Variants in NPTXR observed in about 807,000 individuals in gnomAD.
The protein encoded by NPTXR is neuronal pentraxin receptor.
Under a neutral mutation model 32.2 loss-of-function variants are expected in NPTXR, and 12 were observed. The observed-to-expected ratio is 0.37, with a 90% CI of 0.24 to 0.60. The LOEUF (loss-of-function observed/expected upper bound fraction) is 0.60, where lower values mean the gene tolerates loss of function less well. Ranked by LOEUF, NPTXR falls within the 20% of genes least tolerant of loss-of-function variation. NPTXR has a pLI of 0.66. For synonymous variants in NPTXR, 323 were observed against 315.8 expected (o/e 1.02, Z -0.24); for missense variants, 612 against 682.9 (o/e 0.90, Z 1.16).
chr22:38,823,332 G>T (rs1216149479), intron 3 of NPTXR, 70 bp from the exon 4 acceptor site: 13 of 1,457,858 alleles, frequency 8.9e-6, no homozygotes, highest in Non-Finnish European at 1.2e-5. Context: ...GAGGCAGTGG[G>T]GTGGGGCTGG....
rs979113558 is a variant in NPTXR at position 38,834,232 on chromosome 22, G to A, written c.625-5720C>T. Among the ~76,000 whole-genome samples, 18 of 152,034 alleles carry A rather than the reference G, an allele frequency of 1.2e-4. No individual in the cohort carries two copies. The highest frequency in any genetic ancestry group is 2.7e-4 in the African/African-American group (11 of 41,464). ...CTTCCACTCCCACCCTCCACACAGC[G>A]GCCAGAGGCAAATCCAGCCATGTTG... On this transcript the variant is annotated intron_variant, in intron 1 of 4. Coordinates refer to ENST00000333039, the MANE Select transcript of NPTXR (RefSeq NM_014293.4). The surrounding 1 kb of genome is among the most constrained non-coding windows in gnomAD (Gnocchi z 4.4).
intron 1 of NPTXR, among the ~76,000 whole-genome samples, chr22:38,831,043 G>A (rs1272773363): frequency 6.6e-6 from 1 of 152,224 alleles, no homozygotes; most frequent in Non-Finnish European, 1.5e-5. Flanking sequence ...TTTCCCGAGG[G>A]CTCCTTCTGT....
chr22:38,829,088 G>C (rs59228373), intron 1 of NPTXR, among the ~76,000 whole-genome samples: 3 of 152,212 alleles, frequency 2.0e-5, no homozygotes, highest in African/African-American at 7.2e-5. Context: ...AGACAGCCCA[G>C]GGTTCAAAAC....
chr22:38,839,601 C>A (rs1032614249), intron 1 of NPTXR, among the ~76,000 whole-genome samples: 6 of 151,798 alleles, frequency 4.0e-5, no homozygotes, highest in African/African-American at 1.5e-4. Flanking sequence ...GCCAAGATTG[C>A]GCCACTGCAC....
At chr22:38,835,083 T>C (rs1305024925) in intron 1 of NPTXR, among the ~76,000 whole-genome samples, 2 of 152,160 alleles carry the variant, frequency 1.3e-5, no homozygotes, top group African/African-American at 4.8e-5. Flanking sequence ...TGGGATTCAA[T>C]TGTAAGGCCC....
rs1385165187 is a variant in NPTXR, at chr22:38,834,862, A to G, written c.625-6350T>C. Among the ~76,000 whole-genome samples the G allele has an allele frequency of 6.6e-6, 1 of 152,196 alleles. No individual in the cohort carries two copies. The highest frequency in any genetic ancestry group is 1.5e-5 in the Non-Finnish European group (1 of 68,026). ...GAAAGAACAGATATGAAGTGTGGTC[A>G]ACCATAAGAGGCAGTACGTGGTTGT... On this transcript the variant is annotated intron_variant, in intron 1 of 4. Coordinates refer to ENST00000333039, the MANE Select transcript of NPTXR (RefSeq NM_014293.4). This position sits in a 1 kb window ranked among gnomAD's most constrained non-coding sequence, Gnocchi z 4.4.
intron 1 of NPTXR, among the ~76,000 whole-genome samples, chr22:38,828,850 C>G (rs908652863): frequency 2.6e-5 from 4 of 152,230 alleles, no homozygotes; most frequent in East Asian, 1.9e-4. Flanking sequence ...AACGCCCCAC[C>G]CTAGTCCTTC....
intron 1 of NPTXR, among the ~76,000 whole-genome samples, chr22:38,838,319 A>G (rs1165131505): frequency 1.3e-5 from 2 of 151,882 alleles, no homozygotes; most frequent in African/African-American, 4.8e-5. Flanking sequence ...GCTCATCTGT[A>G]AGATGGGAAT....
chr22:38,829,659 C>T (rs1024753664), intron 1 of NPTXR, among the ~76,000 whole-genome samples: 1 of 151,456 alleles, frequency 6.6e-6, no homozygotes, highest in Admixed American at 6.6e-5. Flanking sequence ...AGTTTTTGCT[C>T]AGTCAGTTCC....
In NPTXR at chr22:38,820,487, A is replaced by G. The variant is rs2093095032; in HGVS notation, c.*2122T>C. On this transcript the variant is annotated 3_prime_UTR_variant, in exon 5 of 5. Transcript: ENST00000333039. The stretch of plus-strand genomic sequence containing the variant: ...TGCCCACTTGAGCCAGGGAGCATGC[A>G]GCTGCTCAGACACCTGGTAGGTGAC... 2 of 152,252 alleles carry G rather than the reference A, an allele frequency of 1.3e-5. No homozygotes were observed. The highest frequency in any genetic ancestry group is 1.3e-4 in the Admixed American group (2 of 15,276). The allele number at this position is 152,252 out of a possible 1,614,324, so 9.4% of individuals were successfully genotyped here. A position where few individuals can be genotyped will look rare whatever the true frequency, so the allele number is the denominator to read the frequency against.
intron 3 of NPTXR, 105 bp downstream of exon 3, chr22:38,826,395 G>T (rs1178787429): frequency 2.2e-6 from 3 of 1,342,576 alleles, no homozygotes; most frequent in Non-Finnish European, 3.1e-6. Context: ...TGCTGAATAT[G>T]CAGAGCAGGA....
At chr22:38,832,223 G>C (rs2093117362) in intron 1 of NPTXR, among the ~76,000 whole-genome samples, 1 of 152,226 alleles carries the variant, frequency 6.6e-6, no homozygotes, top group Non-Finnish European at 1.5e-5. Context: ...CCCCGTCCCA[G>C]TGTCTGAATC....
intron 1 of NPTXR, among the ~76,000 whole-genome samples, chr22:38,838,665 T>G (rs376654588): frequency 3.3e-4 from 47 of 141,414 alleles, no homozygotes; most frequent in South Asian, 2.5e-3. Flanking sequence ...CACTGCAAGC[T>G]CCGCGTCCCG....
chr22:38,830,310 A>C (rs541303379), intron 1 of NPTXR, among the ~76,000 whole-genome samples: 1 of 152,290 alleles, frequency 6.6e-6, no homozygotes, highest in African/African-American at 2.4e-5. Context: ...GTGTAAGGGA[A>C]GTGCCCAGAG....
chr22:38,843,130 C>G lies in NPTXR; in HGVS notation c.624+105G>C, dbSNP rs908528421. On this transcript the variant is annotated intron_variant, in intron 1 of 4. Transcript: ENST00000333039. The surrounding 1 kb of genome is among the most constrained non-coding windows in gnomAD (Gnocchi z 5.3). Reference sequence around the variant, plus strand: ...CCAGCGAGGAAGGCGCGATCGTCCCCGGAACACAGACGGGAGACCGGAGGC... The same window carrying G: ...CCAGCGAGGAAGGCGCGATCGTCCCGGGAACACAGACGGGAGACCGGAGGC... 1.2e-5 allele frequency: 14 copies of G among 1,120,312 alleles called. No individual in the cohort carries two copies. In the Middle Eastern group the frequency reaches 1.0e-3, roughly 82 times the overall value. The allele number at this position is 1,120,312 out of a possible 1,614,324, so 69.4% of individuals were successfully genotyped here.
chr22:38,835,977 C>T (rs770032143), intron 1 of NPTXR, among the ~76,000 whole-genome samples: 2 of 152,150 alleles, frequency 1.3e-5, no homozygotes, highest in South Asian at 2.1e-4. Flanking sequence ...TGAGGAGCAC[C>T]GACCTCTGAG....
In NPTXR at chr22:38,826,791, GA is replaced by G. The variant is rs748054099; in HGVS notation, c.851-45del. 3 of 1,584,190 alleles carry G rather than the reference GA, an allele frequency of 1.9e-6. No individual in the cohort carries two copies. The Admixed American group carries it at 5.1e-5, about 27-fold the overall frequency. On this transcript the variant is annotated intron_variant, in intron 2 of 4. Transcript: ENST00000333039. The stretch of plus-strand genomic sequence containing the variant: ...GACATGGTGGAGGTCGGTGGACACC[GA>G]AAAGGGTGGGGTGGACAGGGCACAC...
rs2093134050 is a variant in NPTXR at position 38,843,153 on chromosome 22, G to A, written c.624+82C>T. On this transcript the variant is annotated intron_variant, in intron 1 of 4. Transcript: ENST00000333039. This position sits in a 1 kb window ranked among gnomAD's most constrained non-coding sequence, Gnocchi z 5.3. ...CCCGGAACACAGACGGGAGACCGGA[G>A]GCTCGGGGACCGCCGGACGACCGCG... 1 of 1,202,978 alleles carries A rather than the reference G, an allele frequency of 8.3e-7. No homozygotes were observed. Among genetic ancestry groups the A allele is most frequent in the Non-Finnish European group, 1.0e-6 (1 of 958,588 alleles). 74.5% of individuals were successfully genotyped at this position (1,202,978 alleles called of 1,614,324 possible).
intron 4 of NPTXR, 60 bp downstream of exon 4, chr22:38,823,023 C>T (rs143521312): frequency 1.3e-5 from 20 of 1,589,396 alleles, no homozygotes; most frequent in Middle Eastern, 1.7e-4. Context: ...TCTCTCTGGC[C>T]CTCAGTCTGC....
Sources: gnomAD v4.1 joint callset for allele counts (sites outside exome capture counted in the v4.1 genomes callset) on GRCh38, gnomAD v4.1.1 for gene constraint, Gnocchi (gnomAD v3.1) non-coding constraint, MANE v1.5 for transcripts, NCBI Gene and HGNC (gene_info 2026-07-23, HGNC 2026-07-21) for gene names.